SGPL1: variants seen among roughly 807,000 people sequenced by gnomAD.
The protein encoded by SGPL1 is sphingosine-1-phosphate lyase 1.
Under a neutral mutation model 68.9 loss-of-function variants are expected in SGPL1, and 37 were observed. The ratio of observed to expected loss-of-function variants is 0.54; its 90% CI spans 0.41 to 0.71. The LOEUF (loss-of-function observed/expected upper bound fraction) is 0.71, where lower values mean the gene tolerates loss of function less well. Among genes scored for constraint, SGPL1 ranks in the 30% least tolerant of loss-of-function variants. The pLI is 0.00. For missense variants in SGPL1, 551 were observed against 704.6 expected, an observed-to-expected ratio of 0.78 and a Z score of 2.47; for synonymous variants, 236 against 248.5, an observed-to-expected ratio of 0.95 and a Z score of 0.47.
At chr10:70,845,001 G>A (rs1189217110) in intron 3 of SGPL1, among the ~76,000 whole-genome samples, 2 of 152,164 alleles carry the variant, frequency 1.3e-5, no homozygotes, top group Non-Finnish European at 2.9e-5. Context: ...GCCTCCCAAA[G>A]TGCTGGGATT....
chr10:70,823,989 C>G (rs1352774627), intron 2 of SGPL1, among the ~76,000 whole-genome samples: 8 of 152,076 alleles, frequency 5.3e-5, no homozygotes, highest in Admixed American at 4.6e-4. Context: ...AAAATAATTT[C>G]CATATTTGCA....
chr10:70,829,116 G>T (rs1056148439), intron 2 of SGPL1, among the ~76,000 whole-genome samples: 1 of 152,104 alleles, frequency 6.6e-6, no homozygotes, highest in Admixed American at 6.5e-5. Flanking sequence ...CAACAATCAC[G>T]ACCACAAGAG....
chr10:70,860,348 G>T (rs1270988737), intron 7 of SGPL1: 1 of 462,624 alleles, frequency 2.2e-6, no homozygotes, highest in African/African-American at 2.0e-5. Context: ...TTATTGAAGG[G>T]CCCATTCGAA....
intron 2 of SGPL1, among the ~76,000 whole-genome samples, chr10:70,835,120 A>G (rs1391636496): frequency 6.6e-6 from 1 of 152,220 alleles, no homozygotes; most frequent in Admixed American, 6.5e-5. Flanking sequence ...GGATCTTGCA[A>G]AACAAAACTG....
At chr10:70,861,466 G>GGTCACAGCGTGCTGGCAGTC (rs1416928781) in intron 7 of SGPL1, among the ~76,000 whole-genome samples, 2 of 152,182 alleles carry the variant, frequency 1.3e-5, no homozygotes, top group Non-Finnish European at 2.9e-5. Flanking sequence ...AGTAGTGAGA[G>GGTCACAGCGTGCTGGCAGTC]GTCACAGCGT....
At chr10:70,851,413 A>T (rs1287346575) in intron 4 of SGPL1, among the ~76,000 whole-genome samples, 1 of 148,194 alleles carries the variant, frequency 6.7e-6, no homozygotes, top group Non-Finnish European at 1.5e-5. Context: ...TCGTGTCCAG[A>T]AATGCTGCTA....
chr10:70,861,609 A>G (rs1410768548), intron 7 of SGPL1, among the ~76,000 whole-genome samples: 6 of 152,152 alleles, frequency 3.9e-5, no homozygotes, highest in African/African-American at 1.4e-4. Context: ...CCAAGGTCGG[A>G]GCCGGCTCCC....
rs770402663 is a variant in SGPL1, at chr10:70,844,487, C to G, written c.42C>G (p.Pro14=). The change falls in exon 3 of 15, where the codon CCC becomes CCG. Residue 14 remains proline, a synonymous_variant. Transcript: ENST00000373202. ...TGTATTTCTAGAAGGCCTTTGAGCCCTACTTAGAGATTTTGGAAGTATACT... is the reference window on the plus strand; with the variant it reads ...TGTATTTCTAGAAGGCCTTTGAGCCGTACTTAGAGATTTTGGAAGTATACT... ...TDLLMLKAFE[P]YLEILEVYST... The G allele has an allele frequency of 6.2e-7, 1 of 1,613,630 alleles. No homozygotes were observed. The highest frequency in any genetic ancestry group is 1.1e-5 in the South Asian group (1 of 91,052).
intron 3 of SGPL1, among the ~76,000 whole-genome samples, chr10:70,847,972 G>A (rs562280693): frequency 3.3e-5 from 5 of 152,278 alleles, no homozygotes; most frequent in South Asian, 4.1e-4. Context: ...AGTGGGCAGC[G>A]GCATGAACTG....
chr10:70,872,555 AC>A (rs1846314837), intron 11 of SGPL1, among the ~76,000 whole-genome samples: 1 of 152,240 alleles, frequency 6.6e-6, no homozygotes, highest in African/African-American at 2.4e-5. Flanking sequence ...TATTGAATAT[AC>A]ATCCAGATGT....
intron 2 of SGPL1, among the ~76,000 whole-genome samples, chr10:70,828,001 T>C (rs751887285): frequency 3.9e-5 from 6 of 152,234 alleles, no homozygotes; most frequent in Non-Finnish European, 7.3e-5. Context: ...AGTGTTACAA[T>C]GTATAACTAT....
rs1000995053 is a variant in SGPL1 at position 70,876,719 on chromosome 10, T to C, written c.1566+58T>C. ...GGAAATTTAGGTGTTGGTGGAGAGT[T>C]TGAAGGAATCATATGACCCGGAGTC... On this transcript the variant is annotated intron_variant, in intron 14 of 14. Coordinates refer to ENST00000373202, the MANE Select transcript of SGPL1 (RefSeq NM_003901.4). 11 of 1,506,096 alleles carry C rather than the reference T, an allele frequency of 7.3e-6. No homozygotes were observed. In the African/African-American group the frequency reaches 1.5e-4, roughly 21 times the overall value. The allele number at this position is 1,506,096 out of a possible 1,614,324, so 93.3% of individuals were successfully genotyped here.
chr10:70,822,838 A>G (rs957427233), intron 2 of SGPL1, among the ~76,000 whole-genome samples: 1 of 128,672 alleles, frequency 7.8e-6, no homozygotes, highest in Non-Finnish European at 1.7e-5. Context: ...TGAAGCTTTT[A>G]TTGCCTCTAT....
intron 5 of SGPL1, among the ~76,000 whole-genome samples, chr10:70,855,066 G>A (rs1022420691): frequency 1.4e-4 from 22 of 152,148 alleles, no homozygotes; most frequent in African/African-American, 5.3e-4. Flanking sequence ...CAGAGACAGT[G>A]GAACTTGGCT....
intron 8 of SGPL1, among the ~76,000 whole-genome samples, chr10:70,868,712 GTGAGAGTTTGAGGACTACATCTT>G (rs1846239362): frequency 7.0e-6 from 1 of 141,884 alleles, no homozygotes; most frequent in Non-Finnish European, 1.5e-5. Context: ...TTTTCCAAAA[GTGAGAGTTTGAGGACTACATCTT>G]TGAATCCTGT....
At chr10:70,866,260 G>A (rs1187688686) in intron 7 of SGPL1, 3 of 152,000 alleles carry the variant, frequency 2.0e-5, no homozygotes, top group African/African-American at 4.8e-5. Flanking sequence ...GGTGGGGTGT[G>A]CCTGTAGTCC....
intron 2 of SGPL1, among the ~76,000 whole-genome samples, chr10:70,843,606 G>A (rs543524727): frequency 6.6e-6 from 1 of 152,294 alleles, no homozygotes; most frequent in South Asian, 2.1e-4. Flanking sequence ...GAATTTAAAG[G>A]GAGAGAGGAA....
chr10:70,831,175 GC>G lies in SGPL1; in HGVS notation c.28-13297del, dbSNP rs1845528592. Among the ~76,000 whole-genome samples the G allele has an allele frequency of 2.0e-5, 3 of 152,112 alleles. No individual in the cohort carries two copies. The South Asian group carries it at 6.2e-4, about 32-fold the overall frequency. On this transcript the variant is annotated intron_variant, in intron 2 of 14. Coordinates refer to ENST00000373202, the MANE Select transcript of SGPL1 (RefSeq NM_003901.4). ...AACCCGGAGGGGCGTCCCAGATAAT[GC>G]ATAATTTTTCATTGGAAGCCGTAGG...
chr10:70,840,479 A>G (rs1564621565), intron 2 of SGPL1, among the ~76,000 whole-genome samples: 3 of 152,078 alleles, frequency 2.0e-5, no homozygotes, highest in Non-Finnish European at 4.4e-5. Flanking sequence ...ACAGAGCCCA[A>G]TAATTCAGTG....
Sources: allele counts gnomAD v4.1 joint callset (sites outside exome capture counted in the v4.1 genomes callset), GRCh38; gene constraint gnomAD v4.1.1; transcripts MANE v1.5; gene names NCBI Gene and HGNC (gene_info 2026-07-23, HGNC 2026-07-21).